TFEB: variants seen among roughly 807,000 people sequenced by gnomAD.
TFEB encodes T-cell transcription factor EB.
A neutral mutation model predicts 48.0 loss-of-function variants in TFEB; 12 were observed. The observed-to-expected ratio is 0.25, with a 90% CI of 0.16 to 0.40. The LOEUF is 0.40. Ranked by LOEUF, TFEB falls within the 10% of genes least tolerant of loss-of-function variation. The pLI is 1.00. For missense variants in TFEB, 509 were observed against 640.3 expected (o/e 0.79, Z 2.21); for synonymous variants, 244 against 261.4 (o/e 0.93, Z 0.64).
chr6:41,710,371 G>C (rs1051179364), intron 1 of TFEB, among the ~76,000 whole-genome samples: 1 of 152,164 alleles, frequency 6.6e-6, no homozygotes, highest in Non-Finnish European at 1.5e-5. Context: ...TCAGGGACCA[G>C]ATAAAGGAAG....
At chr6:41,717,279 G>A (rs993250344) in intron 1 of TFEB, among the ~76,000 whole-genome samples, 27 of 152,160 alleles carry the variant, frequency 1.8e-4, no homozygotes, top group Non-Finnish European at 3.2e-4. Context: ...AACTGTGGCC[G>A]GGGGAGGGGA....
chr6:41,729,691 G>C (rs1401977206), intron 1 of TFEB, among the ~76,000 whole-genome samples: 1 of 152,234 alleles, frequency 6.6e-6, no homozygotes, highest in Non-Finnish European at 1.5e-5. Flanking sequence ...GGGACCAAGA[G>C]CTGCAAGGCC....
At chr6:41,690,959 C>G in intron 2 of TFEB, 42 bp from the exon 3 acceptor site, 1 of 1,566,118 alleles carries the variant, frequency 6.4e-7, no homozygotes, top group Non-Finnish European at 8.7e-7. Context: ...GAGGCTGGGA[C>G]TAGTGGGGAC....
intron 4 of TFEB, 168 bp from the exon 5 acceptor site, chr6:41,688,196 G>C (rs1769115992): frequency 1.3e-6 from 1 of 785,204 alleles, no homozygotes; most frequent in Admixed American, 2.9e-5. Flanking sequence ...GCAGAGTCCA[G>C]AGCTATTATA....
chr6:41,721,131 C>T (rs1770962072), intron 1 of TFEB, among the ~76,000 whole-genome samples: 1 of 152,144 alleles, frequency 6.6e-6, no homozygotes, highest in African/African-American at 2.4e-5. Context: ...CACTCTGCTC[C>T]CTCCTCTGCT....
At chr6:41,703,300 C>T (rs1770033636) in intron 1 of TFEB, among the ~76,000 whole-genome samples, 2 of 152,196 alleles carry the variant, frequency 1.3e-5, no homozygotes, top group Non-Finnish European at 2.9e-5. Context: ...CAGCCGCAGG[C>T]CCAGGACCCC....
chr6:41,735,289 G>A (rs1051994844), intron 1 of TFEB, 61 bp downstream of exon 1: 14 of 983,448 alleles, frequency 1.4e-5, no homozygotes, highest in Non-Finnish European at 1.7e-5. Context: ...ATAGGGGCCA[G>A]GGAGCCTGGG....
At chr6:41,699,428 C>T (rs1769777653) in intron 1 of TFEB, among the ~76,000 whole-genome samples, 1 of 152,264 alleles carries the variant, frequency 6.6e-6, no homozygotes, top group African/African-American at 2.4e-5. Context: ...GTGGTAACCC[C>T]AGCTTCAGTC....
chr6:41,717,574 A>G (rs1395576773), intron 1 of TFEB, among the ~76,000 whole-genome samples: 3 of 152,180 alleles, frequency 2.0e-5, no homozygotes, highest in African/African-American at 7.2e-5. Flanking sequence ...CCTTATTGCC[A>G]TCTATTAGTC....
rs186939575 is a variant in TFEB at position 41,710,680 on chromosome 6, G to A, written c.-22-19445C>T. 3.9e-5 allele frequency among the ~76,000 whole-genome samples: 6 copies of A among 152,200 alleles called. No individual in the cohort carries two copies. The East Asian group carries it at 9.7e-4, about 25-fold the overall frequency. ...GATAAAGTCCAAGCGCTCTAGTTGG[G>A]CCTCCAAAGCATGCAGGATCCCTCT... On this transcript the variant is annotated intron_variant, in intron 1 of 8. Transcript: ENST00000373033.
At chr6:41,707,491 C>G (rs1770289158) in intron 1 of TFEB, among the ~76,000 whole-genome samples, 2 of 152,186 alleles carry the variant, frequency 1.3e-5, no homozygotes, top group South Asian at 4.1e-4. Flanking sequence ...GACCACGTCT[C>G]CAGGGGAAGC....
chr6:41,723,653 C>G lies in TFEB; in HGVS notation c.-23+11697G>C. 1 of 778,298 alleles carries G rather than the reference C, an allele frequency of 1.3e-6. No homozygotes were observed. Among genetic ancestry groups the G allele is most frequent in the South Asian group, 1.7e-5 (1 of 58,166 alleles). The allele number at this position is 778,298 out of a possible 1,614,324, so 48.2% of individuals were successfully genotyped here. ...CACAATCCCCTGGGAGCTGCAAATGCGGCCGAGGATTACTCACAGCACAGA... is the reference window on the plus strand; with the variant it reads ...CACAATCCCCTGGGAGCTGCAAATGGGGCCGAGGATTACTCACAGCACAGA... On this transcript the variant is annotated intron_variant, in intron 1 of 8. Transcript: ENST00000373033. The surrounding 1 kb of genome is among the most constrained non-coding windows in gnomAD (Gnocchi z 6.0).
At chr6:41,707,211 C>G (rs1008780489) in intron 1 of TFEB, among the ~76,000 whole-genome samples, 2 of 152,224 alleles carry the variant, frequency 1.3e-5, no homozygotes, top group Non-Finnish European at 2.9e-5. Flanking sequence ...CTCTGTTCTC[C>G]TCCCAACAAC....
intron 1 of TFEB, among the ~76,000 whole-genome samples, chr6:41,701,962 A>G (rs1369984956): frequency 6.6e-6 from 1 of 151,336 alleles, no homozygotes; most frequent in African/African-American, 2.4e-5. Flanking sequence ...AAAAAAAAAG[A>G]AAGATTAAGC....
At chr6:41,696,263 T>A (rs1348674272) in intron 1 of TFEB, among the ~76,000 whole-genome samples, 1 of 152,300 alleles carries the variant, frequency 6.6e-6, no homozygotes, top group Middle Eastern at 3.4e-3. Context: ...ACACACTCCA[T>A]GACCCATGGA....
intron 1 of TFEB, among the ~76,000 whole-genome samples, chr6:41,714,868 C>T (rs771361159): frequency 2.0e-5 from 3 of 152,200 alleles, no homozygotes; most frequent in African/African-American, 4.8e-5. Flanking sequence ...GGCACTCCTC[C>T]GGGAGTCCAT....
chr6:41,708,761 G>A (rs13193343), intron 1 of TFEB, among the ~76,000 whole-genome samples: 15,433 of 152,254 alleles, frequency 0.1, 1,083 homozygotes, highest in Admixed American at 0.18. Context: ...AGAAATAGGG[G>A]CCAATAAAAG....
chr6:41,710,901 G>A (rs767888228), intron 1 of TFEB, among the ~76,000 whole-genome samples: 2 of 152,096 alleles, frequency 1.3e-5, no homozygotes, highest in Non-Finnish European at 2.9e-5. Flanking sequence ...ATCACCATTT[G>A]GGCACAATTA....
In TFEB at chr6:41,734,733, G is replaced by A. The variant is rs1284879535; in HGVS notation, c.-23+617C>T. Among the ~76,000 whole-genome samples, 2 of 152,038 alleles carry A rather than the reference G, an allele frequency of 1.3e-5. No homozygotes were observed. On this transcript the variant is annotated intron_variant, in intron 1 of 8. Coordinates refer to ENST00000373033, the MANE Select transcript of TFEB (RefSeq NM_001271944.2). This position sits in a 1 kb window ranked among gnomAD's most constrained non-coding sequence, Gnocchi z 4.0. ...AGGGACTCGAGGGGACGGGGCCAGG[G>A]GCGGCTTCTTCAAGAGACCGAGCTG...
Sources: gnomAD v4.1 joint callset for allele counts (sites outside exome capture counted in the v4.1 genomes callset) on GRCh38, gnomAD v4.1.1 for gene constraint, Gnocchi (gnomAD v3.1) non-coding constraint, MANE v1.5 for transcripts, NCBI Gene and HGNC (gene_info 2026-07-23, HGNC 2026-07-21) for gene names.